Variants in PPP2R2B observed in about 807,000 individuals in gnomAD.
PPP2R2B encodes the protein serine/threonine-protein phosphatase 2A 55 kDa regulatory subunit B beta isoform.
In PPP2R2B, 5 loss-of-function variants were observed where a neutral mutation model predicts 46.0. That is an observed-to-expected ratio of 0.11 (90% CI 0.06 to 0.23). The LOEUF is 0.23. PPP2R2B is among the 10% of genes least tolerant of loss of function. The pLI, the probability that PPP2R2B is intolerant of heterozygous loss-of-function variation, is 1.00. For synonymous variants in PPP2R2B, 215 were observed against 206.7 expected (o/e 1.04, Z -0.34); for missense variants, 367 against 575.0 (o/e 0.64, Z 3.70).
At position 146,661,968 on chromosome 5, in the gene PPP2R2B, C is replaced by T. The variant is rs185176075; in HGVS notation, c.448-11244G>A. On this transcript the variant is annotated intron_variant, in intron 5 of 9. Coordinates refer to ENST00000394411, the MANE Select transcript of PPP2R2B (RefSeq NM_181675.4). ...CTGGGGAGAGTGGGATTGGGAGAGG[C>T]GGTGGTTTAATTTTTGGTTAGTTTG... 1.2e-3 allele frequency among the ~76,000 whole-genome samples: 188 copies of T among 152,044 alleles called. 2 individuals are homozygous for T. Among genetic ancestry groups the T allele is most frequent in the Non-Finnish European group, 8.4e-4 (57 of 67,972 alleles).
At chr5:146,634,549 G>C (rs1216203529) in intron 7 of PPP2R2B, among the ~76,000 whole-genome samples, 1 of 152,022 alleles carries the variant, frequency 6.6e-6, no homozygotes, top group East Asian at 1.9e-4. Flanking sequence ...TGCCCAGGCT[G>C]TTCTCAGACT....
chr5:146,654,179 C>T (rs77116513), intron 5 of PPP2R2B, among the ~76,000 whole-genome samples: 9,967 of 152,228 alleles, frequency 0.065, 382 homozygotes, highest in Middle Eastern at 0.092. Context: ...ACTCCCTGCC[C>T]CACCCAACTC....
At chr5:146,871,664 G>T (rs867957478) in intron 2 of PPP2R2B, among the ~76,000 whole-genome samples, 1 of 152,174 alleles carries the variant, frequency 6.6e-6, no homozygotes, top group East Asian at 1.9e-4. Context: ...CAGCAGCACC[G>T]ACCAGGCGCC....
chr5:147,012,312 T>A (rs1009158812), intron 1 of PPP2R2B, among the ~76,000 whole-genome samples: 1 of 152,332 alleles, frequency 6.6e-6, no homozygotes, highest in South Asian at 2.1e-4. Context: ...CTTGGGAGAA[T>A]GTATGTGTTG....
chr5:146,786,840 G>T (rs531729805), intron 2 of PPP2R2B, among the ~76,000 whole-genome samples: 109 of 152,292 alleles, frequency 7.2e-4, no homozygotes, highest in Middle Eastern at 3.4e-3. Flanking sequence ...CAATAAAAAG[G>T]TGAGGCCTGT....
At chr5:146,718,548 T>C (rs1453058569) in intron 2 of PPP2R2B, among the ~76,000 whole-genome samples, 1 of 152,162 alleles carries the variant, frequency 6.6e-6, no homozygotes, top group Non-Finnish European at 1.5e-5. Context: ...TGAAAACCAA[T>C]AAAATCCACA....
chr5:146,771,000 A>T (rs1450178217), intron 2 of PPP2R2B, among the ~76,000 whole-genome samples: 11 of 152,198 alleles, frequency 7.2e-5, no homozygotes, highest in Admixed American at 7.2e-4. Context: ...TCCATGCTCT[A>T]CCAGGCGCAT....
intron 2 of PPP2R2B, among the ~76,000 whole-genome samples, chr5:146,837,860 T>C (rs1759386052): frequency 6.6e-6 from 1 of 152,156 alleles, no homozygotes; most frequent in South Asian, 2.1e-4. Flanking sequence ...AACAATTGCT[T>C]CTCAAATTGA....
chr5:146,974,689 GA>G (rs1752816972), intron 1 of PPP2R2B, among the ~76,000 whole-genome samples: 1 of 145,650 alleles, frequency 6.9e-6, no homozygotes, highest in Admixed American at 7.3e-5. Context: ...GAAATAAAAG[GA>G]ATTTTTTTTT....
chr5:146,640,988 G>A (rs1775170763), intron 6 of PPP2R2B, among the ~76,000 whole-genome samples: 3 of 152,140 alleles, frequency 2.0e-5, no homozygotes, highest in African/African-American at 7.2e-5. Flanking sequence ...TTGAGTAGAG[G>A]GCTTGTTTAG....
intron 5 of PPP2R2B, among the ~76,000 whole-genome samples, chr5:146,685,759 T>C (rs66668306): frequency 0.25 from 37,907 of 152,068 alleles, 6,399 homozygotes; most frequent in African/African-American, 0.46. Flanking sequence ...GAGTGTCCTG[T>C]GCTGACAGGA....
chr5:146,969,885 A>G (rs928294755), intron 1 of PPP2R2B, among the ~76,000 whole-genome samples: 3 of 152,222 alleles, frequency 2.0e-5, no homozygotes, highest in African/African-American at 7.2e-5. Context: ...ATCGCAGTGA[A>G]TGTCCAAGTG....
At chr5:146,776,953 T>C (rs572594717) in intron 2 of PPP2R2B, among the ~76,000 whole-genome samples, 1 of 152,192 alleles carries the variant, frequency 6.6e-6, no homozygotes, top group Admixed American at 6.5e-5. Flanking sequence ...AAGATACTAC[T>C]TCACATCTAC....
intron 2 of PPP2R2B, among the ~76,000 whole-genome samples, chr5:146,846,554 T>A (rs1760021355): frequency 6.6e-6 from 1 of 151,494 alleles, no homozygotes; most frequent in Non-Finnish European, 1.5e-5. Flanking sequence ...GGCACGTGCC[T>A]GCAACCCCAG....
chr5:146,717,946 T>A (rs1361584654), intron 2 of PPP2R2B, among the ~76,000 whole-genome samples: 2 of 152,200 alleles, frequency 1.3e-5, no homozygotes, highest in Non-Finnish European at 2.9e-5. Context: ...CAACCTATTT[T>A]AAAGTCTTCA....
chr5:146,686,698 C>T (rs573011087), intron 5 of PPP2R2B, among the ~76,000 whole-genome samples: 3 of 152,130 alleles, frequency 2.0e-5, no homozygotes, highest in East Asian at 1.9e-4. Flanking sequence ...GTAAAAATGC[C>T]GATTTCAACC....
chr5:146,957,727 A>G (rs1177519554), intron 1 of PPP2R2B, among the ~76,000 whole-genome samples: 1 of 152,202 alleles, frequency 6.6e-6, no homozygotes, highest in African/African-American at 2.4e-5. Flanking sequence ...TTGTTGCAAT[A>G]ACGTTCTGAC....
intron 1 of PPP2R2B, among the ~76,000 whole-genome samples, chr5:146,966,921 T>C (rs4705453): frequency 0.77 from 117,051 of 152,064 alleles, 46,036 homozygotes; most frequent in Admixed American, 0.85. Context: ...TTTCTAGGGC[T>C]TAGAATTGAT....
intron 5 of PPP2R2B, among the ~76,000 whole-genome samples, chr5:146,664,811 C>G (rs1299856636): frequency 6.6e-6 from 1 of 152,142 alleles, no homozygotes; most frequent in Non-Finnish European, 1.5e-5. Flanking sequence ...AAAAATGACT[C>G]CTTAATCTGT....
Sources: allele counts gnomAD v4.1 joint callset (sites outside exome capture counted in the v4.1 genomes callset), GRCh38; gene constraint gnomAD v4.1.1; transcripts MANE v1.5; gene names NCBI Gene and HGNC (gene_info 2026-07-23, HGNC 2026-07-21).